Variants in RBM26 observed in about 807,000 individuals in gnomAD.
RBM26 encodes the protein RNA binding motif protein 26.
RBM26 carries 30 observed loss-of-function variants against 123.6 expected under a neutral mutation model. That is an observed-to-expected ratio of 0.24 (90% CI 0.18 to 0.33). The LOEUF is 0.33. Among genes scored for constraint, RBM26 ranks in the 10% least tolerant of loss-of-function variants. The pLI, the probability that RBM26 is intolerant of heterozygous loss-of-function variation, is 1.00. For synonymous variants in RBM26, 400 were observed against 404.4 expected (o/e 0.99, Z 0.13); for missense variants, 947 against 1,203.6 (o/e 0.79, Z 3.15).
Position 79,318,973 on chromosome 13 carries a change from T to C in RBM26, c.*1648A>G, listed in dbSNP as rs1252118005. 2.1e-6 allele frequency: 2 copies of C among 970,658 alleles called. No homozygotes were observed. The highest frequency in any genetic ancestry group is 3.5e-5 in the African/African-American group (2 of 56,864). 60.1% of individuals were successfully genotyped at this position (970,658 alleles called of 1,614,324 possible). A position where few individuals can be genotyped will look rare whatever the true frequency, so the allele number is the denominator to read the frequency against. Reference sequence around the variant, plus strand: ...CATAAAAATAGATCTTTGATTTAAATATATAAGTAAAAATAGTGACTTTTT... The same window carrying C: ...CATAAAAATAGATCTTTGATTTAAACATATAAGTAAAAATAGTGACTTTTT... On this transcript the variant is annotated 3_prime_UTR_variant, in exon 22 of 22. Coordinates refer to ENST00000438737, the MANE Select transcript of RBM26 (RefSeq NM_001366735.2).
downstream of RBM26, chr13:79,314,849 T>C (rs928405634): frequency 9.6e-6 from 5 of 519,198 alleles, no homozygotes; most frequent in South Asian, 3.6e-5. Flanking sequence ...ATGCTAATTA[T>C]AGTACATGTA....
chr13:79,323,450 T>C (rs895621732), intron 20 of RBM26, among the ~76,000 whole-genome samples: 1 of 151,654 alleles, frequency 6.6e-6, no homozygotes, highest in Non-Finnish European at 1.5e-5. Context: ...AGAATTTTTG[T>C]CACAATGTCA....
chr13:79,339,868 A>C (rs2139044477), intron 18 of RBM26, among the ~76,000 whole-genome samples: 1 of 152,270 alleles, frequency 6.6e-6, no homozygotes, highest in African/African-American at 2.4e-5. Flanking sequence ...GTGCTGAATG[A>C]ACACACTCTG....
chr13:79,371,030 T>TCGACTC lies in RBM26; in HGVS notation c.543_548dup (p.Arg185_Ser186dup), dbSNP rs774854077. ...GCCTCTCTTTACTCCAACTTCGACTTCGACTCCTGCTATAACTGCGACTCC... is the reference window on the plus strand; with the variant it reads ...GCCTCTCTTTACTCCAACTTCGACTTCGACTCCGACTCCTGCTATAACTGCGACTCC... On this transcript the variant is annotated inframe_insertion, in exon 5 of 22. Coordinates refer to ENST00000438737, the MANE Select transcript of RBM26 (RefSeq NM_001366735.2). The TCGACTC allele has an allele frequency of 5.6e-6, 9 of 1,612,406 alleles. No individual in the cohort carries two copies. The African/African-American group carries it at 9.3e-5, about 17-fold the overall frequency.
chr13:79,370,861 A>T, intron 5 of RBM26, 84 bp downstream of exon 5: 1 of 1,408,862 alleles, frequency 7.1e-7, no homozygotes, highest in Non-Finnish European at 9.8e-7. Flanking sequence ...AAATGAAGAC[A>T]ACACTGACAA....
chr13:79,368,652 C>T (rs1050554207), intron 6 of RBM26, 78 bp downstream of exon 6: 3 of 1,385,060 alleles, frequency 2.2e-6, no homozygotes, highest in Non-Finnish European at 3.0e-6. Context: ...CTTTGAATAA[C>T]TATGTACAAC....
At chr13:79,367,561 T>C (rs181075477) in intron 6 of RBM26, among the ~76,000 whole-genome samples, 9 of 151,548 alleles carry the variant, frequency 5.9e-5, no homozygotes, top group African/African-American at 1.2e-4. Flanking sequence ...AACAAGTGAG[T>C]TCGCCCTCTA....
At chr13:79,370,444 AT>A (rs2075765406) in intron 5 of RBM26, among the ~76,000 whole-genome samples, 1 of 152,164 alleles carries the variant, frequency 6.6e-6, no homozygotes, top group African/African-American at 2.4e-5. Flanking sequence ...CTTTTTATCC[AT>A]GTTATGGTAT....
chr13:79,382,791 T>C (rs377248756), intron 1 of RBM26, among the ~76,000 whole-genome samples: 1 of 152,028 alleles, frequency 6.6e-6, no homozygotes, highest in Non-Finnish European at 1.5e-5. Flanking sequence ...TGCTCTCCTA[T>C]GCAGTAGAGT....
intron 20 of RBM26, among the ~76,000 whole-genome samples, chr13:79,325,931 G>T (rs7322167): frequency 0.51 from 76,742 of 151,936 alleles, 19,776 homozygotes; most frequent in Middle Eastern, 0.6. Context: ...GTTTAGATAT[G>T]TTTGCCTACA....
intron 1 of RBM26, among the ~76,000 whole-genome samples, chr13:79,389,051 T>C (rs1051275446): frequency 1.8e-4 from 28 of 152,214 alleles, no homozygotes; most frequent in Admixed American, 1.2e-3. Flanking sequence ...TTTATAAATT[T>C]TTTTATCAAC....
At chr13:79,325,768 T>C (rs2068305577) in intron 20 of RBM26, among the ~76,000 whole-genome samples, 1 of 152,144 alleles carries the variant, frequency 6.6e-6, no homozygotes, top group African/African-American at 2.4e-5. Flanking sequence ...TACGAGTTTA[T>C]AAAATACGAT....
chr13:79,318,719 A>G (rs765412967), downstream of RBM26: 23 of 857,260 alleles, frequency 2.7e-5, no homozygotes, highest in Non-Finnish European at 3.2e-5. Context: ...GAATTTTATA[A>G]TTTTTGAAAT....
intron 3 of RBM26, 39 bp downstream of exon 3, chr13:79,377,340 T>C (rs368009598): frequency 1.6e-5 from 25 of 1,565,668 alleles, no homozygotes; most frequent in African/African-American, 1.4e-4. Context: ...TCCTCTTATG[T>C]GTTTAAATAA....
intron 20 of RBM26, among the ~76,000 whole-genome samples, chr13:79,326,792 C>T (rs937814936): frequency 1.8e-4 from 28 of 151,670 alleles, no homozygotes; most frequent in Admixed American, 1.2e-3. Context: ...AATATCCCTC[C>T]CAAAATTTAC....
At position 79,350,368 on chromosome 13, in the gene RBM26, T is replaced by C. The variant is rs556614976; in HGVS notation, c.2058+2785A>G. Among the ~76,000 whole-genome samples, 4 of 152,304 alleles carry C rather than the reference T, an allele frequency of 2.6e-5. No individual in the cohort carries two copies. The East Asian group carries it at 5.8e-4, about 22-fold the overall frequency. ...TTTAGAAGGGATTCAGCAAGATAAT[T>C]TGAACGGTCTTAAGTCTGTTTTAAA... On this transcript the variant is annotated intron_variant, in intron 14 of 21. Transcript: ENST00000438737.
intron 7 of RBM26, 36 bp downstream of exon 7, chr13:79,366,597 C>G: frequency 6.8e-7 from 1 of 1,478,358 alleles, no homozygotes; most frequent in Non-Finnish European, 9.0e-7. Context: ...CTAAGAATGG[C>G]TAGATAAATA....
At chr13:79,316,231 G>C (rs2067141915), downstream of RBM26, among the ~76,000 whole-genome samples, 1 of 141,242 alleles carries the variant, frequency 7.1e-6, no homozygotes, top group African/African-American at 2.7e-5. Context: ...GTGTGTGTGT[G>C]TTGGGTGGAG....
Sources: gnomAD v4.1 joint callset for allele counts (sites outside exome capture counted in the v4.1 genomes callset) on GRCh38, gnomAD v4.1.1 for gene constraint, MANE v1.5 for transcripts, NCBI Gene and HGNC (gene_info 2026-07-23, HGNC 2026-07-21) for gene names.